The following SYNJ1 variants were observed in gnomAD, a reference collection of about 807,000 sequenced individuals.
SYNJ1 encodes the protein polyphosphatidylinositol phosphatase SYNJ1.
Under a neutral mutation model 168.2 loss-of-function variants are expected in SYNJ1, and 78 were observed. The observed-to-expected ratio is 0.46, with a 90% CI of 0.39 to 0.56. The LOEUF is 0.56. SYNJ1 is among the 20% of genes least tolerant of loss of function. The probability of loss-of-function intolerance (pLI) is 0.00; values close to 1 mark genes in which losing one functional copy is unlikely to be tolerated. For synonymous variants in SYNJ1, 539 were observed against 548.6 expected (o/e 0.98, Z 0.24); for missense variants, 1,303 against 1,597.6 (o/e 0.82, Z 3.14).
rs144384515 is a variant in SYNJ1, at chr21:32,680,893, A to G, written c.1353+603T>C. 2.7e-3 allele frequency among the ~76,000 whole-genome samples: 407 copies of G among 152,346 alleles called. 2 individuals carry two copies. Among genetic ancestry groups the G allele is most frequent in the African/African-American group, 8.9e-3 (371 of 41,588 alleles). On this transcript the variant is annotated intron_variant, in intron 11 of 32. Transcript: ENST00000674351. ...CAGCCTCCCAAAGTGCTGGGATTAT[A>G]GGCGTCAGCCACCACACCTGGCCCA...
In SYNJ1 at chr21:32,670,391, G is replaced by A. The variant is rs1262512353; in HGVS notation, c.1727-19C>T. On this transcript the variant is annotated intron_variant, in intron 14 of 32. Coordinates refer to ENST00000674351, the MANE Select transcript of SYNJ1 (RefSeq NM_203446.3). ...CTTTTATCTAAAATTAAGCATCCAAGAAATACTTTTAAATATAGCCTCAGG... is the reference window on the plus strand; with the variant it reads ...CTTTTATCTAAAATTAAGCATCCAAAAAATACTTTTAAATATAGCCTCAGG... 6.3e-7 allele frequency: 1 copy of A among 1,594,080 alleles called. No individual in the cohort carries two copies. The highest frequency in any genetic ancestry group is 2.2e-5 in the East Asian group (1 of 44,688).
At chr21:32,713,758 CAACATGGATGATTTCCCAT>C (rs2042924726) in intron 2 of SYNJ1, among the ~76,000 whole-genome samples, 1 of 152,058 alleles carries the variant, frequency 6.6e-6, no homozygotes, top group African/African-American at 2.4e-5. Context: ...TCCCATATGT[CAACATGGATGATTTCCCAT>C]ATGTCAACAT....
At chr21:32,659,299 T>C (rs2040585815) in intron 18 of SYNJ1, among the ~76,000 whole-genome samples, 1 of 152,146 alleles carries the variant, frequency 6.6e-6, no homozygotes, top group South Asian at 2.1e-4. Context: ...AAGTGAATCT[T>C]ATAGATACAT....
chr21:32,674,623 GTT>G (rs3989187), intron 13 of SYNJ1, among the ~76,000 whole-genome samples: 71,965 of 140,850 alleles, frequency 0.51, 18,220 homozygotes, highest in African/African-American at 0.67. Context: ...AATCTCTCCC[GTT>G]TTTTTTTTTT....
At chr21:32,707,697 A>G (rs1325362203) in intron 2 of SYNJ1, among the ~76,000 whole-genome samples, 3 of 152,176 alleles carry the variant, frequency 2.0e-5, no homozygotes, top group Non-Finnish European at 2.9e-5. Flanking sequence ...GAACACTGCA[A>G]TTGCTGATTA....
At chr21:32,715,501 A>G (rs2042991375) in intron 2 of SYNJ1, among the ~76,000 whole-genome samples, 2 of 152,062 alleles carry the variant, frequency 1.3e-5, no homozygotes, top group Non-Finnish European at 2.9e-5. Flanking sequence ...AAAAAAGAAG[A>G]TTCATTCTAC....
At chr21:32,658,022 C>A in intron 18 of SYNJ1, 150 bp from the exon 19 acceptor site, 1 of 620,246 alleles carries the variant, frequency 1.6e-6, no homozygotes, top group Non-Finnish European at 2.8e-6. Flanking sequence ...CTGAATGGAA[C>A]AAAGCTTAGA....
intron 2 of SYNJ1, among the ~76,000 whole-genome samples, chr21:32,720,580 C>G (rs1011546381): frequency 7.9e-5 from 12 of 152,134 alleles, no homozygotes; most frequent in Admixed American, 7.2e-4. Context: ...AGTGATATGG[C>G]CTTGCTATTT....
chr21:32,661,495 C>T (rs981659652), intron 18 of SYNJ1, among the ~76,000 whole-genome samples: 2 of 152,098 alleles, frequency 1.3e-5, no homozygotes, highest in South Asian at 4.1e-4. Context: ...TGTGCTTCTC[C>T]GAGATCTTAT....
chr21:32,653,304 C>A lies in SYNJ1; in HGVS notation c.2858G>T (p.Ser953Ile). ...CTACCTTACCTCTTTACCATTTAGGCTCAGAACATTCAAGGCAGAGCTTCC... is the reference window on the plus strand; with the variant it reads ...CTACCTTACCTCTTTACCATTTAGGATCAGAACATTCAAGGCAGAGCTTCC... ...LEGSSALNVL[S>I]LNGKELLNRT... Residue 953 changes from serine (S) to isoleucine (I), a missense_variant, in exon 22 of 33, where the codon AGC becomes ATC. Physicochemically the swap from Ser to Ile is moderately radical, Grantham distance 142 (BLOSUM62 -2). Transcript: ENST00000674351. 6.2e-7 allele frequency: 1 copy of A among 1,613,714 alleles called. No homozygotes were observed. Among genetic ancestry groups the A allele is most frequent in the Non-Finnish European group, 8.5e-7 (1 of 1,179,672 alleles).
intron 27 of SYNJ1, 84 bp from the exon 28 acceptor site, chr21:32,642,217 C>A: frequency 6.8e-7 from 1 of 1,464,074 alleles, no homozygotes; most frequent in South Asian, 1.1e-5. Context: ...TGTTCTGCTT[C>A]ATTACCAGCA....
At chr21:32,703,359 ATCT>A (rs1007551402) in intron 2 of SYNJ1, among the ~76,000 whole-genome samples, 43 of 152,314 alleles carry the variant, frequency 2.8e-4, no homozygotes, top group Admixed American at 2.5e-3. Context: ...TTATTATTAC[ATCT>A]TATGTTTATC....
intron 18 of SYNJ1, among the ~76,000 whole-genome samples, chr21:32,659,519 C>G (rs983497752): frequency 3.9e-5 from 6 of 152,144 alleles, no homozygotes; most frequent in Non-Finnish European, 8.8e-5. Flanking sequence ...AACCCCTGAC[C>G]TAACTGTTTG....
chr21:32,657,832 G>T lies in SYNJ1; in HGVS notation c.2345C>A (p.Pro782Gln). Residue 782 changes from proline (P) to glutamine (Q), a missense_variant, in exon 19 of 33, where the codon CCG (proline) becomes CAG (glutamine). Physicochemically the swap from Pro to Gln is moderately conservative, Grantham distance 76. Transcript: ENST00000674351. ...GFLEGKVTFA[P>Q]TYKYDLFSDD... ...AGAAAACAAGTCATACTTATATGTC[G>T]GAGCAAAGGTTACCTTTCCTTCTAA... The T allele has an allele frequency of 6.2e-7, 1 of 1,613,434 alleles. No individual in the cohort carries two copies. The highest frequency in any genetic ancestry group is 8.5e-7 in the Non-Finnish European group (1 of 1,179,802).
At chr21:32,633,160 C>A (rs1200670681) in intron 32 of SYNJ1, among the ~76,000 whole-genome samples, 1 of 152,122 alleles carries the variant, frequency 6.6e-6, no homozygotes, top group African/African-American at 2.4e-5. Flanking sequence ...AAAAAAGTTC[C>A]ATTTTCTATT....
intron 31 of SYNJ1, among the ~76,000 whole-genome samples, chr21:32,636,554 C>A (rs2039574870): frequency 6.6e-6 from 1 of 152,012 alleles, no homozygotes; most frequent in African/African-American, 2.4e-5. Flanking sequence ...AAAATCTCAC[C>A]ATCAGGTTTG....
rs112429339 is a variant in SYNJ1, at chr21:32,660,608, C to G, written c.2305-2736G>C. ...CATGGAGAAAGATGTGCAGGATATG[C>G]GGTGGTAACTTTGAACGCTGTCATT... On this transcript the variant is annotated intron_variant, in intron 18 of 32. Coordinates refer to ENST00000674351, the MANE Select transcript of SYNJ1 (RefSeq NM_203446.3). Among the ~76,000 whole-genome samples, 11 of 152,356 alleles carry G rather than the reference C, an allele frequency of 7.2e-5. 1 individual carries two copies. Among genetic ancestry groups the G allele is most frequent in the African/African-American group, 2.6e-4 (11 of 41,580 alleles).
At chr21:32,662,180 C>T (rs887829111) in intron 18 of SYNJ1, among the ~76,000 whole-genome samples, 1 of 152,164 alleles carries the variant, frequency 6.6e-6, no homozygotes, top group Non-Finnish European at 1.5e-5. Context: ...GGATGACAAG[C>T]CCTGCTCCAG....
At chr21:32,727,163 AATC>A (rs1569145181) in intron 1 of SYNJ1, among the ~76,000 whole-genome samples, 1 of 152,238 alleles carries the variant, frequency 6.6e-6, no homozygotes, top group Non-Finnish European at 1.5e-5. Context: ...ACTGTAAGTC[AATC>A]AACGGTCTGG....
Sources: allele counts gnomAD v4.1 joint callset (sites outside exome capture counted in the v4.1 genomes callset), GRCh38; gene constraint gnomAD v4.1.1; transcripts MANE v1.5; gene names NCBI Gene and HGNC (gene_info 2026-07-23, HGNC 2026-07-21).